VIT: variants seen among roughly 807,000 people sequenced by gnomAD.
VIT encodes the protein vitrin.
A neutral mutation model predicts 78.0 loss-of-function variants in VIT; 99 were observed. The ratio of observed to expected loss-of-function variants is 1.27; its 90% CI spans 1.08 to 1.50. The LOEUF is 1.50. VIT is among the 40% of genes most tolerant of loss of function. The pLI is 0.00. For synonymous variants in VIT, 374 were observed against 334.3 expected, an observed-to-expected ratio of 1.12 and a Z score of -1.29; for missense variants, 1,126 against 875.3, an observed-to-expected ratio of 1.29 and a Z score of -3.61.
intron 14 of VIT, among the ~76,000 whole-genome samples, chr2:36,807,870 A>G (rs4670171): frequency 0.75 from 114,698 of 152,134 alleles, 43,477 homozygotes; most frequent in East Asian, 0.99. Context: ...CTCATAGCTT[A>G]GTTTGTTCCT....
intron 1 of VIT, among the ~76,000 whole-genome samples, chr2:36,705,701 A>T (rs1359434718): frequency 6.6e-6 from 1 of 152,226 alleles, no homozygotes; most frequent in African/African-American, 2.4e-5. Flanking sequence ...GGGGATACAC[A>T]TTCTAGTTAT....
rs775151274 is a variant in VIT, at chr2:36,814,413, G to A, written c.*52G>A. 1.2e-6 allele frequency: 2 copies of A among 1,602,050 alleles called. No homozygotes were observed. The highest frequency in any genetic ancestry group is 2.2e-5 in the South Asian group (2 of 89,670). ...GTGCTGCTTTACTAACTGACGTGTT[G>A]GACCACCCCACCGCTTAATGGGGCA... On this transcript the variant is annotated 3_prime_UTR_variant, in exon 16 of 16. Coordinates refer to ENST00000379242, the MANE Select transcript of VIT (RefSeq NM_053276.4).
chr2:36,785,414 T>A (rs1235692863), intron 11 of VIT, among the ~76,000 whole-genome samples: 2 of 151,808 alleles, frequency 1.3e-5, no homozygotes, highest in Non-Finnish European at 2.9e-5. Flanking sequence ...AAAAAAAAAA[T>A]GAGTTGGCCT....
chr2:36,716,869 CTTTTTTTTTT>C (rs557873230), intron 2 of VIT, among the ~76,000 whole-genome samples: 172 of 78,690 alleles, frequency 2.2e-3, no homozygotes, highest in Non-Finnish European at 3.2e-3. Flanking sequence ...AGAGATGATT[CTTTTTTTTTT>C]TTTTTTTTTT....
chr2:36,796,305 A>G (rs887901122), intron 12 of VIT, among the ~76,000 whole-genome samples: 3 of 152,240 alleles, frequency 2.0e-5, no homozygotes, highest in African/African-American at 7.2e-5. Flanking sequence ...AGAAAAACAC[A>G]TGTAAAACAA....
At chr2:36,739,217 G>A (rs926225886) in intron 3 of VIT, among the ~76,000 whole-genome samples, 2 of 152,040 alleles carry the variant, frequency 1.3e-5, no homozygotes, top group Non-Finnish European at 2.9e-5. Context: ...TAACAGGCAT[G>A]AGGCAAGCTT....
At chr2:36,763,300 G>C (rs1252290368) in intron 6 of VIT, among the ~76,000 whole-genome samples, 1 of 152,106 alleles carries the variant, frequency 6.6e-6, no homozygotes, top group Non-Finnish European at 1.5e-5. Flanking sequence ...TGCTATGTTT[G>C]AGAAGGTGGC....
At chr2:36,804,866 GTC>G (rs1460818289) in intron 13 of VIT, among the ~76,000 whole-genome samples, 1 of 151,966 alleles carries the variant, frequency 6.6e-6, no homozygotes, top group African/African-American at 2.4e-5. Flanking sequence ...CCTGCTTGCT[GTC>G]CCTAAAACTT....
At chr2:36,787,415 T>C in intron 12 of VIT, 139 bp downstream of exon 12, 1 of 1,217,054 alleles carries the variant, frequency 8.2e-7, no homozygotes, top group Non-Finnish European at 1.1e-6. Flanking sequence ...AATGCAAATG[T>C]AAATGAAAAA....
At position 36,724,761 on chromosome 2, in the gene VIT, G is replaced by C. The variant is rs1558516677; in HGVS notation, c.53-4665G>C. Among the ~76,000 whole-genome samples the C allele has an allele frequency of 2.6e-5, 4 of 152,118 alleles. 1 individual carries two copies. Among genetic ancestry groups the C allele is most frequent in the Admixed American group, 2.6e-4 (4 of 15,274 alleles). On this transcript the variant is annotated intron_variant, in intron 2 of 15. Coordinates refer to ENST00000379242, the MANE Select transcript of VIT (RefSeq NM_053276.4). ...CTTGGGCAACCAAAAGCAAATGATG[G>C]GGTGTTCTTACTAAAATATTTATAG...
chr2:36,787,553 G>T (rs1665189913), intron 12 of VIT, among the ~76,000 whole-genome samples: 1 of 152,228 alleles, frequency 6.6e-6, no homozygotes, highest in African/African-American at 2.4e-5. Context: ...CAGGAGAGAT[G>T]CGTGTGAGTG....
At chr2:36,789,433 G>T (rs1665331018) in intron 12 of VIT, among the ~76,000 whole-genome samples, 1 of 152,150 alleles carries the variant, frequency 6.6e-6, no homozygotes, top group Admixed American at 6.5e-5. Flanking sequence ...TCAGTCTCAG[G>T]GTCCCAAGGA....
chr2:36,718,360 G>A (rs1186292005), intron 2 of VIT, among the ~76,000 whole-genome samples: 1 of 152,114 alleles, frequency 6.6e-6, no homozygotes, highest in African/African-American at 2.4e-5. Context: ...AAGGAGTATT[G>A]GACCAGGAGT....
chr2:36,718,994 G>C (rs1322090796), intron 2 of VIT, among the ~76,000 whole-genome samples: 7 of 152,192 alleles, frequency 4.6e-5, no homozygotes, highest in African/African-American at 1.7e-4. Flanking sequence ...GTTAGGAATA[G>C]GGTTTAGTCG....
intron 4 of VIT, among the ~76,000 whole-genome samples, chr2:36,749,363 A>C (rs1226923061): frequency 6.6e-6 from 1 of 152,236 alleles, no homozygotes; most frequent in Non-Finnish European, 1.5e-5. Context: ...GACAGGAGGC[A>C]TGGCATGCTT....
At chr2:36,773,263 G>A (rs1360071695) in intron 7 of VIT, among the ~76,000 whole-genome samples, 1 of 151,720 alleles carries the variant, frequency 6.6e-6, no homozygotes, top group Admixed American at 6.6e-5. Context: ...TGATAGTTGT[G>A]AAATACAAAG....
rs138223173 is a variant in VIT at position 36,814,283 on chromosome 2, G to A, written c.2004G>A (p.Glu668=). 1 of 1,614,210 alleles carries A rather than the reference G, an allele frequency of 6.2e-7. No homozygotes were observed. Among genetic ancestry groups the A allele is most frequent in the Middle Eastern group, 1.6e-4 (1 of 6,062 alleles). The change falls in exon 16 of 16, where the codon GAG becomes GAA. Residue 668 remains glutamate, a synonymous_variant. Coordinates refer to ENST00000379242, the MANE Select transcript of VIT (RefSeq NM_053276.4). The part of the protein sequence containing the change: ...PARDHSFFVD[E]FDNLHQYVPR... ...GAGACCACTCCTTCTTTGTGGACGA[G>A]TTTGACAACCTCCATCAGTATGTCC...
intron 6 of VIT, among the ~76,000 whole-genome samples, chr2:36,763,083 G>A (rs1239143312): frequency 6.6e-6 from 1 of 152,176 alleles, no homozygotes; most frequent in Non-Finnish European, 1.5e-5. Flanking sequence ...TTTGTTAGAG[G>A]CTACTGAGCT....
intron 12 of VIT, among the ~76,000 whole-genome samples, chr2:36,790,159 G>C (rs1283493787): frequency 6.6e-6 from 1 of 152,158 alleles, no homozygotes; most frequent in Admixed American, 6.5e-5. Context: ...AACACATCTT[G>C]ACTCCTCAAT....
Sources: allele counts gnomAD v4.1 joint callset (sites outside exome capture counted in the v4.1 genomes callset), GRCh38; gene constraint gnomAD v4.1.1; transcripts MANE v1.5; gene names NCBI Gene and HGNC (gene_info 2026-07-23, HGNC 2026-07-21).